Variants in CENPO observed in about 807,000 individuals in gnomAD.
The protein encoded by CENPO is centromere protein O, also known as centromeric protein O.
In CENPO, 30 loss-of-function variants were observed where a neutral mutation model predicts 36.1. That is an observed-to-expected ratio of 0.83 (90% CI 0.62 to 1.13). The LOEUF is 1.13. CENPO is among the 50% of genes most tolerant of loss of function. The pLI, the probability that CENPO is intolerant of heterozygous loss-of-function variation, is 0.00. For synonymous variants in CENPO, 171 were observed against 142.3 expected (o/e 1.20, Z -1.44); for missense variants, 349 against 357.8 (o/e 0.98, Z 0.20).
chr2:24,796,630 T>C lies in CENPO; in HGVS notation c.46+2665T>C, dbSNP rs1048435842. Among the ~76,000 whole-genome samples, 2 of 152,040 alleles carry C rather than the reference T, an allele frequency of 1.3e-5. 1 individual carries two copies. The highest frequency in any genetic ancestry group is 2.9e-5 in the Non-Finnish European group (2 of 68,014). On this transcript the variant is annotated intron_variant, in intron 2 of 7. Coordinates refer to ENST00000380834, the MANE Select transcript of CENPO (RefSeq NM_001322101.2). Reference sequence around the variant, plus strand: ...GAGTTTGAGACCAGCCTGGGAAACATAGTGAGACCCCATCTCTTTATTTAA... The same window carrying C: ...GAGTTTGAGACCAGCCTGGGAAACACAGTGAGACCCCATCTCTTTATTTAA...
intron 2 of CENPO, among the ~76,000 whole-genome samples, chr2:24,794,305 G>C (rs1410394270): frequency 6.6e-6 from 1 of 152,202 alleles, no homozygotes. Flanking sequence ...GGCCAGTGTA[G>C]GGCAGTGACT....
intron 3 of CENPO, among the ~76,000 whole-genome samples, chr2:24,809,713 GT>G (rs908592659): frequency 2.7e-5 from 4 of 147,524 alleles, no homozygotes; most frequent in African/African-American, 5.0e-5. Flanking sequence ...TGAGTATTTG[GT>G]TTTTTTTTTA....
intron 2 of CENPO, among the ~76,000 whole-genome samples, 184 bp downstream of exon 2, chr2:24,794,149 G>GT (rs1444344782): frequency 5.9e-5 from 9 of 152,308 alleles, no homozygotes; most frequent in Non-Finnish European, 1.3e-4. Flanking sequence ...AAATGGCTTC[G>GT]TTTCTAGGCT....
rs111335050 is a variant in CENPO at position 24,817,920 on chromosome 2, A to G, written c.*35+79A>G. 4.7e-5 allele frequency: 55 copies of G among 1,181,772 alleles called. No individual in the cohort carries two copies. The African/African-American group carries it at 6.8e-4, about 15-fold the overall frequency. The allele number at this position is 1,181,772 out of a possible 1,614,324, so 73.2% of individuals were successfully genotyped here. Reference sequence around the variant, plus strand: ...GGTACATCACCCTTCTGATGAAAACAGACACCTACCTGTTCATCTGGATGG... The same window carrying G: ...GGTACATCACCCTTCTGATGAAAACGGACACCTACCTGTTCATCTGGATGG... On this transcript the variant is annotated intron_variant, in intron 7 of 7. Transcript: ENST00000380834.
rs1458060860 is a variant in CENPO at position 24,819,737 on chromosome 2, G to C, written c.*419G>C. On this transcript the variant is annotated 3_prime_UTR_variant, in exon 8 of 8. Transcript: ENST00000380834. ...CCCTATGCCTAAGACCCCTATGCTG[G>C]GGACACTACAGGCACACACAGGAAT... is the stretch of plus-strand genomic sequence containing the variant. 3.3e-6 allele frequency: 2 copies of C among 606,086 alleles called. No homozygotes were observed. Among genetic ancestry groups the C allele is most frequent in the Admixed American group, 6.3e-5 (2 of 31,940 alleles). 37.5% of individuals were successfully genotyped at this position (606,086 alleles called of 1,614,324 possible).
rs766177705 is a variant in CENPO at position 24,816,719 on chromosome 2, A to G, written c.668A>G (p.Lys223Arg). Residue 223 changes from lysine (K) to arginine (R), a missense_variant, in exon 6 of 8, where the codon AAA becomes AGA. Lys to Arg is a conservative substitution (Grantham distance 26). Transcript: ENST00000380834. ...PLCNLLSFTY[K>R]LDPGGQSFPF... ...TGTAACTTGCTGTCATTTACTTACAAACTGGATCCAGGGGGTCAGTCCTTC... is the reference window on the plus strand; with the variant it reads ...TGTAACTTGCTGTCATTTACTTACAGACTGGATCCAGGGGGTCAGTCCTTC... The G allele has an allele frequency of 6.2e-7, 1 of 1,613,284 alleles. No individual in the cohort carries two copies. The highest frequency in any genetic ancestry group is 1.7e-5 in the Admixed American group (1 of 59,870).
intron 2 of CENPO, among the ~76,000 whole-genome samples, chr2:24,794,989 G>A (rs940167872): frequency 6.6e-6 from 1 of 152,180 alleles, no homozygotes; most frequent in African/African-American, 2.4e-5. Flanking sequence ...ACTATATTCA[G>A]CCTAAGATGA....
chr2:24,809,662 T>A (rs565817345), intron 3 of CENPO, among the ~76,000 whole-genome samples: 385 of 152,272 alleles, frequency 2.5e-3, no homozygotes, highest in African/African-American at 8.6e-3. Context: ...CTTTGGCCCG[T>A]GGGTTTGTTT....
chr2:24,809,264 T>C (rs1190372440), intron 3 of CENPO, among the ~76,000 whole-genome samples: 1 of 152,246 alleles, frequency 6.6e-6, no homozygotes, highest in Non-Finnish European at 1.5e-5. Context: ...GTGTGTTTTA[T>C]CACTTTTGTG....
At chr2:24,793,795 G>A (rs1329772087) in intron 1 of CENPO, 57 bp from the exon 2 acceptor site, 4 of 1,319,788 alleles carry the variant, frequency 3.0e-6, no homozygotes, top group Admixed American at 1.7e-5. Context: ...GTGCCCTGCC[G>A]TCTGGGTTTG....
In CENPO at chr2:24,820,877, G is replaced by A; in HGVS notation, c.*1559G>A. On this transcript the variant is annotated 3_prime_UTR_variant, in exon 8 of 8. Transcript: ENST00000380834. Reference sequence around the variant, plus strand: ...GGGTAGAGGCATAAAGTTCAGCACAGCCACAGGCCACACCTTGTTATGGGC... The same window carrying A: ...GGGTAGAGGCATAAAGTTCAGCACAACCACAGGCCACACCTTGTTATGGGC... The A allele has an allele frequency of 6.2e-7, 1 of 1,611,046 alleles. No individual in the cohort carries two copies. The highest frequency in any genetic ancestry group is 8.5e-7 in the Non-Finnish European group (1 of 1,178,204).
intron 4 of CENPO, chr2:24,814,772 T>G: frequency 5.4e-6 from 2 of 373,256 alleles, no homozygotes; most frequent in Non-Finnish European, 9.9e-6. Context: ...GTGCCAGACC[T>G]TGTACTAGAA....
At chr2:24,813,424 T>C (rs761832744) in intron 3 of CENPO, among the ~76,000 whole-genome samples, 1 of 152,050 alleles carries the variant, frequency 6.6e-6, no homozygotes, top group Non-Finnish European at 1.5e-5. Flanking sequence ...GGACCTTCAG[T>C]TGAAAGTTTG....
At chr2:24,793,579 T>G (rs1665712186) in intron 1 of CENPO, 78 bp downstream of exon 1, 1 of 1,475,636 alleles carries the variant, frequency 6.8e-7, no homozygotes, top group Non-Finnish European at 9.0e-7. Context: ...CTGAACGGCC[T>G]TCTTAAAACT....
intron 3 of CENPO, among the ~76,000 whole-genome samples, chr2:24,805,012 G>C (rs1666326782): frequency 6.8e-6 from 1 of 146,352 alleles, no homozygotes; most frequent in African/African-American, 2.5e-5. Flanking sequence ...TTTCTTGGAG[G>C]CTTTGTTCGT....
chr2:24,816,540 T>C, intron 5 of CENPO, 106 bp from the exon 6 acceptor site: 1 of 736,766 alleles, frequency 1.4e-6, no homozygotes, highest in East Asian at 2.8e-5. Context: ...TTCTCTGAAA[T>C]GTAATCGATG....
intron 2 of CENPO, among the ~76,000 whole-genome samples, chr2:24,797,931 G>C (rs777758818): frequency 6.6e-6 from 1 of 152,180 alleles, no homozygotes; most frequent in African/African-American, 2.4e-5. Flanking sequence ...CAAGAAAATG[G>C]AGAAAGTGAG....
rs971060659 is a variant in CENPO at position 24,821,867 on chromosome 2, G to T, written c.*2549G>T. The stretch of plus-strand genomic sequence containing the variant: ...GACTGGGCAATTGAGCAGAGGAGAC[G>T]GACCTGTGAGTCTGACCACGAGGCG... On this transcript the variant is annotated 3_prime_UTR_variant, in exon 8 of 8. Transcript: ENST00000380834. 1.3e-4 allele frequency: 72 copies of T among 539,760 alleles called. No homozygotes were observed. Among genetic ancestry groups the T allele is most frequent in the Non-Finnish European group, 2.8e-5 (9 of 316,920 alleles). 33.4% of individuals were successfully genotyped at this position (539,760 alleles called of 1,614,324 possible).
chr2:24,799,182 A>G (rs866429088), intron 2 of CENPO, among the ~76,000 whole-genome samples: 2 of 151,600 alleles, frequency 1.3e-5, no homozygotes, highest in Middle Eastern at 3.4e-3. Context: ...ATTTTTAGTA[A>G]AGATGGGGTT....
Sources: allele counts gnomAD v4.1 joint callset (sites outside exome capture counted in the v4.1 genomes callset), GRCh38; gene constraint gnomAD v4.1.1; transcripts MANE v1.5; gene names NCBI Gene and HGNC (gene_info 2026-07-23, HGNC 2026-07-21).